The following SLC2A7 variants were observed in gnomAD, a reference collection of about 807,000 sequenced individuals.
The protein encoded by SLC2A7 is solute carrier family 2, facilitated glucose transporter member 7.
In SLC2A7, 50 loss-of-function variants were observed where a neutral mutation model predicts 50.5. That is an observed-to-expected ratio of 0.99 (90% CI 0.79 to 1.25). The LOEUF (loss-of-function observed/expected upper bound fraction) is 1.25. Ranked by LOEUF, SLC2A7 falls within the 50% of genes most tolerant of loss-of-function variation. The pLI is 0.00. For synonymous variants in SLC2A7, 308 were observed against 300.4 expected (o/e 1.03, Z -0.26); for missense variants, 683 against 679.1 (o/e 1.01, Z -0.06).
intron 5 of SLC2A7, among the ~76,000 whole-genome samples, chr1:9,016,036 A>G (rs1296388157): frequency 6.6e-6 from 1 of 152,112 alleles, no homozygotes; most frequent in Non-Finnish European, 1.5e-5. Flanking sequence ...AAGTTCTTTA[A>G]TGTCTCTGAG....
At chr1:8,997,543 G>A in the SLC2A7 span, among the ~76,000 whole-genome samples, 2 of 152,040 alleles carry the variant, frequency 1.3e-5, no homozygotes, top group African/African-American at 4.8e-5. Flanking sequence ...TGGAATCATA[G>A]GTGCCCACCA....
chr1:8,997,088 A>G, the SLC2A7 span, among the ~76,000 whole-genome samples: 1 of 151,928 alleles, frequency 6.6e-6, no homozygotes, highest in African/African-American at 2.4e-5. Context: ...AATGTTGAGG[A>G]TCTTTTCATG....
At chr1:9,004,995 T>A in intron 10 of SLC2A7, 116 bp from the exon 11 acceptor site, 1 of 1,242,712 alleles carries the variant, frequency 8.0e-7, no homozygotes, top group African/African-American at 1.5e-5. Flanking sequence ...CCAGCTGGGA[T>A]TGGGGACTGG....
chr1:9,010,105 ATG>A, intron 9 of SLC2A7, 36 bp downstream of exon 9: 1 of 1,427,776 alleles, frequency 7.0e-7, no homozygotes, highest in Non-Finnish European at 9.6e-7. Context: ...CACCCTCCCC[ATG>A]ACTCCCCACC....
At chr1:8,994,007 C>T in the SLC2A7 span, among the ~76,000 whole-genome samples, 1 of 152,232 alleles carries the variant, frequency 6.6e-6, no homozygotes, top group South Asian at 2.1e-4. Flanking sequence ...AGAAGAGGTC[C>T]TATGACTCCT....
the SLC2A7 span, among the ~76,000 whole-genome samples, chr1:8,995,020 C>T: frequency 6.6e-6 from 1 of 151,798 alleles, no homozygotes; most frequent in Non-Finnish European, 1.5e-5. Flanking sequence ...ATTCACCTGC[C>T]TCAGCCTCCC....
At chr1:9,014,548 G>T in intron 7 of SLC2A7, 133 bp downstream of exon 7, 1 of 1,081,164 alleles carries the variant, frequency 9.2e-7, no homozygotes, top group Non-Finnish European at 1.3e-6. Flanking sequence ...GTTTCTTCCT[G>T]ACATCTGGCT....
the SLC2A7 span, among the ~76,000 whole-genome samples, chr1:8,994,239 T>G: frequency 5.3e-5 from 8 of 152,228 alleles, no homozygotes; most frequent in East Asian, 1.5e-3. Context: ...GCTCACGCTT[T>G]GCCCTCCTGG....
chr1:9,010,184 C>T lies in SLC2A7; in HGVS notation c.1075G>A (p.Gly359Ser), dbSNP rs370988330. 4.6e-5 allele frequency: 71 copies of T among 1,552,258 alleles called. No homozygotes were observed. Among genetic ancestry groups the T allele is most frequent in the Non-Finnish European group, 5.6e-5 (64 of 1,147,496 alleles). ...HLLLAGYGIC[G>S]SACLVLTVVL... is the part of the protein sequence containing the mutation. ...ACCGTCAGCACCAGGCAGGCAGAGC[C>T]GCAGATGCCGTAGCCGGCCAGCAGG... The change falls in exon 9 of 12, where the codon GGC becomes AGC. Residue 359 changes from glycine to serine, a missense_variant. Coordinates refer to ENST00000400906, the MANE Select transcript of SLC2A7 (RefSeq NM_207420.3).
In SLC2A7 at chr1:9,008,390, G is replaced by A. The variant is rs1640689453; in HGVS notation, c.1117-1005C>T. Among the ~76,000 whole-genome samples the A allele has an allele frequency of 6.6e-6, 1 of 152,134 alleles. No homozygotes were observed. Among genetic ancestry groups the A allele is most frequent in the Non-Finnish European group, 1.5e-5 (1 of 68,026 alleles). ...AAGCAAAAGCGAGGCTGGCTGGGTT[G>A]GTGGGGCCGCCCTGGACCCGGTGTG... On this transcript the variant is annotated intron_variant, in intron 9 of 11. Transcript: ENST00000400906. The surrounding 1 kb of genome is among the most constrained non-coding windows in gnomAD (Gnocchi z 5.9).
In SLC2A7 at chr1:9,003,353, T is replaced by C; in HGVS notation, c.1486A>G (p.Thr496Ala). Residue 496 changes from threonine to alanine, a missense_variant, in exon 12 of 12, where the codon ACC becomes GCC. By Grantham distance (58) the Thr-to-Ala change is moderately conservative. Transcript: ENST00000400906. ...RVKLPEEKEE[T>A]IDAGPPTASP... ...GCTGTGGGAGGCCCAGCATCAATGG[T>C]TTCTTCTTTCTCCTCTGGAAGCTTC... The C allele has an allele frequency of 6.2e-7, 1 of 1,614,146 alleles. No individual in the cohort carries two copies. Among genetic ancestry groups the C allele is most frequent in the Admixed American group, 1.7e-5 (1 of 60,014 alleles).
intron 8 of SLC2A7, among the ~76,000 whole-genome samples, chr1:9,011,688 T>G (rs975699544): frequency 3.4e-5 from 5 of 147,430 alleles, no homozygotes; most frequent in African/African-American, 1.2e-4. Flanking sequence ...CAGGCCACAC[T>G]CCCTGTGATC....
rs181469568 is a variant in SLC2A7, at chr1:9,020,603, G to A, written c.312-1270C>T. Among the ~76,000 whole-genome samples, 452 of 149,546 alleles carry A rather than the reference G, an allele frequency of 3.0e-3. 3 individuals are homozygous for A. Among genetic ancestry groups the A allele is most frequent in the Non-Finnish European group, 2.8e-3 (192 of 67,540 alleles). ...TGGGTTTTGCACAGGAGAAGAATGG[G>A]CAGTGGACCAGAAAGAGGGCAGAGA... On this transcript the variant is annotated intron_variant, in intron 3 of 11. Transcript: ENST00000400906.
downstream of SLC2A7, among the ~76,000 whole-genome samples, chr1:9,000,745 G>GGTGTGTGTGTGTGT (rs56985979): frequency 5.5e-3 from 782 of 142,174 alleles, 10 homozygotes; most frequent in African/African-American, 0.02. Context: ...TGACTTTCCT[G>GGTGTGTGTGTGTGT]GTGTGTGTGT....
At chr1:9,019,514 C>A (rs1431825169) in intron 3 of SLC2A7, among the ~76,000 whole-genome samples, 181 bp from the exon 4 acceptor site, 1 of 152,126 alleles carries the variant, frequency 6.6e-6, no homozygotes, top group Non-Finnish European at 1.5e-5. Flanking sequence ...AAGGCCTTAA[C>A]CCCAGTGTGA....
At chr1:9,014,909 T>C in intron 6 of SLC2A7, 41 bp from the exon 7 acceptor site, 1 of 1,540,014 alleles carries the variant, frequency 6.5e-7, no homozygotes, top group Non-Finnish European at 8.7e-7. Context: ...GCCGTCTCCC[T>C]GCAGGCTGGG....
Position 9,018,395 on chromosome 1 carries a change from A to C in SLC2A7, c.437-20T>G. ...AGATGCCTGGTTTGGGCACAGCAGA[A>C]ATCAGGGCAGGCAAACCGCAAACGC... On this transcript the variant is annotated intron_variant, in intron 4 of 11. Coordinates refer to ENST00000400906, the MANE Select transcript of SLC2A7 (RefSeq NM_207420.3). The C allele has an allele frequency of 1.2e-6, 2 of 1,613,586 alleles. No homozygotes were observed. The highest frequency in any genetic ancestry group is 1.7e-6 in the Non-Finnish European group (2 of 1,179,734).
chr1:9,007,581 C>A (rs1478441999), intron 9 of SLC2A7, among the ~76,000 whole-genome samples, 196 bp from the exon 10 acceptor site: 1 of 152,162 alleles, frequency 6.6e-6, no homozygotes, highest in East Asian at 1.9e-4. Context: ...CACAGGGCTC[C>A]CTCCAGCCTC....
At chr1:9,003,922 T>C (rs1046680061) in intron 11 of SLC2A7, among the ~76,000 whole-genome samples, 1 of 151,966 alleles carries the variant, frequency 6.6e-6, no homozygotes, top group African/African-American at 2.4e-5. Flanking sequence ...GTCGAGGCCT[T>C]TGTGAGTCCA....
Sources: gnomAD v4.1 joint callset for allele counts (sites outside exome capture counted in the v4.1 genomes callset) on GRCh38, gnomAD v4.1.1 for gene constraint, Gnocchi (gnomAD v3.1) non-coding constraint, MANE v1.5 for transcripts, NCBI Gene and HGNC (gene_info 2026-07-23, HGNC 2026-07-21) for gene names.